The following ATXN10 variants were observed in gnomAD, a reference collection of about 807,000 sequenced individuals.
ATXN10 encodes the protein ataxin 10, also known as ataxin-10.
Under a neutral mutation model 52.9 loss-of-function variants are expected in ATXN10, and 28 were observed. That is an observed-to-expected ratio of 0.53 (90% confidence interval 0.39 to 0.73). ATXN10 has a LOEUF of 0.73. Among genes scored for constraint, ATXN10 ranks in the 30% least tolerant of loss-of-function variants. The probability of loss-of-function intolerance (pLI) is 0.00; values close to 1 mark genes in which losing one functional copy is unlikely to be tolerated. For missense variants in ATXN10, 565 were observed against 577.0 expected (o/e 0.98, Z 0.21); for synonymous variants, 226 against 221.5 (o/e 1.02, Z -0.18).
intron 9 of ATXN10, among the ~76,000 whole-genome samples, chr22:45,788,161 T>A (rs1161118789): frequency 6.6e-6 from 1 of 152,086 alleles, no homozygotes; most frequent in Non-Finnish European, 1.5e-5. Flanking sequence ...CCCAGACATG[T>A]CCCTGGGGCT....
chr22:45,740,315 A>T (rs745741188), intron 8 of ATXN10, 54 bp from the exon 9 acceptor site: 1 of 1,550,162 alleles, frequency 6.5e-7, no homozygotes. Context: ...TATTAGTACA[A>T]CATACTAAAA....
rs750486108 is a variant in ATXN10 at position 45,738,799 on chromosome 22, C to G, written c.963C>G (p.Gly321=). ...CEMTVNTELL[G]YLQVFPGLLE... is the part of the protein sequence containing the mutation. ...TGACTGTGAATACTGAGCTGCTCGG[C>G]TATCTGCAGGTTTTCCCTGGCTTGC... is the stretch of plus-strand genomic sequence containing the variant. Residue 321 remains glycine (G), a synonymous_variant, in exon 8 of 12, where the codon GGC becomes GGG. Coordinates refer to ENST00000252934, the MANE Select transcript of ATXN10 (RefSeq NM_013236.4). 8 of 1,614,032 alleles carry G rather than the reference C, an allele frequency of 5.0e-6. No individual in the cohort carries two copies. The highest frequency in any genetic ancestry group is 6.8e-6 in the Non-Finnish European group (8 of 1,180,000).
At chr22:45,798,147 G>A (rs1340147336) in intron 9 of ATXN10, among the ~76,000 whole-genome samples, 4 of 152,122 alleles carry the variant, frequency 2.6e-5, no homozygotes, top group Non-Finnish European at 2.9e-5. Flanking sequence ...AATAGAGGAG[G>A]GAACACTTCT....
rs1922905916 is a variant in ATXN10, at chr22:45,681,167, A to G, written c.117-8545A>G. Among the ~76,000 whole-genome samples the G allele has an allele frequency of 1.3e-5, 2 of 151,906 alleles. No homozygotes were observed. The highest frequency in any genetic ancestry group is 1.3e-4 in the Admixed American group (2 of 15,278). On this transcript the variant is annotated intron_variant, in intron 1 of 11. Coordinates refer to ENST00000252934, the MANE Select transcript of ATXN10 (RefSeq NM_013236.4). This position sits in a 1 kb window ranked among gnomAD's most constrained non-coding sequence, Gnocchi z 4.2. ...TTAGCCCTGGCTCACTTTTCACTCT[A>G]TTTCTTCTCCTGTCTTAAATCTTCG...
intron 8 of ATXN10, 111 bp from the exon 9 acceptor site, chr22:45,740,258 C>G: frequency 9.7e-7 from 1 of 1,026,604 alleles, no homozygotes; most frequent in Non-Finnish European, 1.5e-6. Flanking sequence ...GCTTTCTGTG[C>G]TCTACCTTTA....
chr22:45,686,187 T>A (rs1461728364), intron 1 of ATXN10, among the ~76,000 whole-genome samples: 1 of 152,218 alleles, frequency 6.6e-6, no homozygotes, highest in East Asian at 1.9e-4. Flanking sequence ...GATTCCTGGC[T>A]CTGAGCACAA....
chr22:45,782,513 C>T (rs1430563160), intron 9 of ATXN10, among the ~76,000 whole-genome samples: 3 of 152,112 alleles, frequency 2.0e-5, no homozygotes, highest in African/African-American at 7.2e-5. Context: ...AGCAGCTGGG[C>T]ACAAGAGAGT....
rs1404508035 is a variant in ATXN10, at chr22:45,701,074, G to A, written c.488+696G>A. 6.6e-6 allele frequency among the ~76,000 whole-genome samples: 1 copy of A among 152,202 alleles called. No individual in the cohort carries two copies. The highest frequency in any genetic ancestry group is 1.5e-5 in the Non-Finnish European group (1 of 68,024). ...ACCTAGTAGGAAAGGCACAGTCTGGGAGTGGGAGACCTGGCTTTGAATCTA... is the reference window on the plus strand; with the variant it reads ...ACCTAGTAGGAAAGGCACAGTCTGGAAGTGGGAGACCTGGCTTTGAATCTA... On this transcript the variant is annotated intron_variant, in intron 4 of 11. Transcript: ENST00000252934. The surrounding 1 kb of genome is among the most constrained non-coding windows in gnomAD (Gnocchi z 4.2).
chr22:45,776,644 G>C (rs1331597876), intron 9 of ATXN10, among the ~76,000 whole-genome samples: 1 of 152,078 alleles, frequency 6.6e-6, no homozygotes, highest in Admixed American at 6.5e-5. Flanking sequence ...TGTGTGATCT[G>C]GGGCAAGAGT....
chr22:45,803,340 C>T (rs1372510573), intron 9 of ATXN10, among the ~76,000 whole-genome samples: 2 of 152,190 alleles, frequency 1.3e-5, no homozygotes, highest in African/African-American at 4.8e-5. Context: ...TTTGCACATA[C>T]TCTTCCCCCT....
At chr22:45,689,928 C>T in intron 2 of ATXN10, 25 bp downstream of exon 2, 2 of 1,610,488 alleles carry the variant, frequency 1.2e-6, no homozygotes, top group Non-Finnish European at 1.7e-6. Flanking sequence ...ACCTTGGATT[C>T]TGTTTCTTTG....
chr22:45,793,059 G>A (rs556708508), intron 9 of ATXN10: 29 of 258,850 alleles, frequency 1.1e-4, no homozygotes, highest in African/African-American at 4.7e-4. Flanking sequence ...TCTCAGGACC[G>A]TGGTCACCAG....
chr22:45,842,257 T>G lies in ATXN10; in HGVS notation c.1238-734T>G, dbSNP rs1377170981. Among the ~76,000 whole-genome samples, 3 of 152,146 alleles carry G rather than the reference T, an allele frequency of 2.0e-5. No individual in the cohort carries two copies. The highest frequency in any genetic ancestry group is 7.2e-5 in the African/African-American group (3 of 41,430). On this transcript the variant is annotated intron_variant, in intron 10 of 11. Transcript: ENST00000252934. This position sits in a 1 kb window ranked among gnomAD's most constrained non-coding sequence, Gnocchi z 4.8. ...TGAGGTTTACATGGCTCTTGGTGAT[T>G]AAATCAAATGCCCTACTCAGTGATG...
At chr22:45,755,413 C>T (rs1395756664) in intron 9 of ATXN10, among the ~76,000 whole-genome samples, 1 of 152,138 alleles carries the variant, frequency 6.6e-6, no homozygotes, top group Non-Finnish European at 1.5e-5. Context: ...TAGGGGGCCT[C>T]AAGAGACCAA....
In ATXN10 at chr22:45,843,982, T is replaced by C. The variant is rs1249302909; in HGVS notation, c.*311T>C. 5 of 374,460 alleles carry C rather than the reference T, an allele frequency of 1.3e-5. No individual in the cohort carries two copies. Among genetic ancestry groups the C allele is most frequent in the Non-Finnish European group, 2.4e-5 (5 of 206,240 alleles). 23.2% of individuals were successfully genotyped at this position (374,460 alleles called of 1,614,324 possible). A position where few individuals can be genotyped will look rare whatever the true frequency, so the allele number is the denominator to read the frequency against. ...GTCTCTTGGAGGGCACAACCCTTAT[T>C]TGACAAAACTTGGATGTTGGCTTGA... On this transcript the variant is annotated 3_prime_UTR_variant, in exon 12 of 12. Transcript: ENST00000252934. The surrounding 1 kb of genome is among the most constrained non-coding windows in gnomAD (Gnocchi z 4.5).
rs1206449033 is a variant in ATXN10 at position 45,678,104 on chromosome 22, T to C, written c.116+5925T>C. The C allele has an allele frequency of 1.3e-5, 2 of 152,172 alleles. No homozygotes were observed. Among genetic ancestry groups the C allele is most frequent in the Non-Finnish European group, 2.9e-5 (2 of 68,026 alleles). 9.4% of individuals were successfully genotyped at this position (152,172 alleles called of 1,614,324 possible). ...GGAAATTGGGAGTTACTGCTTCATG[T>C]TTACAGAGTTTCTATTTGGGTGTTA... On this transcript the variant is annotated intron_variant, in intron 1 of 11. Transcript: ENST00000252934. The surrounding 1 kb of genome is among the most constrained non-coding windows in gnomAD (Gnocchi z 4.1).
Position 45,835,746 on chromosome 22 carries a change from T to A in ATXN10, c.1238-7245T>A, listed in dbSNP as rs1601677560. On this transcript the variant is annotated intron_variant, in intron 10 of 11. Transcript: ENST00000252934. This position sits in a 1 kb window ranked among gnomAD's most constrained non-coding sequence, Gnocchi z 5.0. ...CCGGAAAGACTGAAACTGCTCTTTC[T>A]TATAGTGTGTATTAAATGCAAATCT... Among the ~76,000 whole-genome samples the A allele has an allele frequency of 6.6e-6, 1 of 152,362 alleles. No individual in the cohort carries two copies. Among genetic ancestry groups the A allele is most frequent in the African/African-American group, 2.4e-5 (1 of 41,584 alleles).
intron 4 of ATXN10, among the ~76,000 whole-genome samples, chr22:45,702,123 A>G (rs2146754021): frequency 6.6e-6 from 1 of 152,300 alleles, no homozygotes; most frequent in African/African-American, 2.4e-5. Flanking sequence ...GAAGAGTATT[A>G]TGAAGTTTAA....
rs541733752 is a variant in ATXN10, at chr22:45,781,999, A to G, written c.1174-24960A>G. ...ATGTGGGACTTTAATAAAAGGCCGA[A>G]AAAGTATTCAAAAGAATAATTTCCT... On this transcript the variant is annotated intron_variant, in intron 9 of 11. Coordinates refer to ENST00000252934, the MANE Select transcript of ATXN10 (RefSeq NM_013236.4). The surrounding 1 kb of genome is among the most constrained non-coding windows in gnomAD (Gnocchi z 4.2). Among the ~76,000 whole-genome samples, 1 of 152,368 alleles carries G rather than the reference A, an allele frequency of 6.6e-6. No individual in the cohort carries two copies. Among genetic ancestry groups the G allele is most frequent in the South Asian group, 2.1e-4 (1 of 4,832 alleles).
Sources: gnomAD v4.1 joint callset for allele counts (sites outside exome capture counted in the v4.1 genomes callset) on GRCh38, gnomAD v4.1.1 for gene constraint, Gnocchi (gnomAD v3.1) non-coding constraint, MANE v1.5 for transcripts, NCBI Gene and HGNC (gene_info 2026-07-23, HGNC 2026-07-21) for gene names.